TANK: variants seen among roughly 807,000 people sequenced by gnomAD.
The protein encoded by TANK is TRAF family member-associated NF-kappa-B activator.
TANK carries 15 observed loss-of-function variants against 43.6 expected under a neutral mutation model. That is an observed-to-expected ratio of 0.34 (90% CI 0.23 to 0.53). The LOEUF (loss-of-function observed/expected upper bound fraction) is 0.53, where lower values mean the gene tolerates loss of function less well. Among genes scored for constraint, TANK ranks in the 20% least tolerant of loss-of-function variants. The pLI is 0.94. For synonymous variants in TANK, 162 were observed against 178.2 expected (o/e 0.91, Z 0.73); for missense variants, 417 against 498.6 (o/e 0.84, Z 1.56).
At chr2:161,159,237 C>T (rs893720411), upstream of TANK, 1 of 152,202 alleles carries the variant, frequency 6.6e-6, no homozygotes, top group Non-Finnish European at 1.5e-5. Context: ...ACAAAAAAAC[C>T]TGCACACAGA....
intron 4 of TANK, among the ~76,000 whole-genome samples, chr2:161,213,867 G>A (rs977317457): frequency 1.3e-5 from 2 of 152,116 alleles, no homozygotes; most frequent in African/African-American, 4.8e-5. Flanking sequence ...GAATCTGAAA[G>A]CGTATCAATG....
chr2:161,191,210 G>C (rs1685900599), intron 2 of TANK, among the ~76,000 whole-genome samples: 1 of 152,120 alleles, frequency 6.6e-6, no homozygotes, highest in Non-Finnish European at 1.5e-5. Context: ...AAATTGATAA[G>C]GGAGGTAAAG....
intron 2 of TANK, chr2:161,200,665 G>A (rs1227922310): frequency 1.9e-6 from 1 of 536,378 alleles, no homozygotes; most frequent in East Asian, 1.5e-4. Context: ...CTCAAACTTA[G>A]TTTCCCTTTG....
intron 4 of TANK, chr2:161,207,894 T>G: frequency 1.0e-6 from 1 of 984,004 alleles, no homozygotes; most frequent in Non-Finnish European, 1.2e-6. Context: ...TGATTCTTTT[T>G]TATTCTATTT....
chr2:161,196,206 G>C (rs138348120), intron 2 of TANK, among the ~76,000 whole-genome samples: 7 of 152,300 alleles, frequency 4.6e-5, no homozygotes, highest in Non-Finnish European at 1.0e-4. Flanking sequence ...CTGAGAAAAG[G>C]AATACTAGCA....
At chr2:161,205,569 A>T (rs1686613825) in intron 4 of TANK, among the ~76,000 whole-genome samples, 1 of 152,194 alleles carries the variant, frequency 6.6e-6, no homozygotes, top group Admixed American at 6.5e-5. Flanking sequence ...AATAGTACAT[A>T]TCTGCAAGGA....
intron 1 of TANK, among the ~76,000 whole-genome samples, chr2:161,177,151 C>T (rs555337183): frequency 1.2e-4 from 19 of 152,170 alleles, no homozygotes; most frequent in South Asian, 1.0e-3. Flanking sequence ...CATTAATTAT[C>T]GTAACAGGAT....
intron 2 of TANK, among the ~76,000 whole-genome samples, chr2:161,180,575 CAT>C (rs1324891192): frequency 6.6e-6 from 1 of 152,142 alleles, no homozygotes; most frequent in East Asian, 1.9e-4. Context: ...ATTTTATTAA[CAT>C]ATACTTTTGT....
upstream of TANK, chr2:161,156,375 T>G: frequency 1.0e-6 from 1 of 985,226 alleles, no homozygotes; most frequent in East Asian, 1.1e-4. Flanking sequence ...TGGTTTTATT[T>G]CACCTTGTCT....
Position 161,224,754 on chromosome 2 carries a change from T to G in TANK, c.520+8T>G. The G allele has an allele frequency of 2.8e-6, 4 of 1,424,714 alleles. No individual in the cohort carries two copies. Among genetic ancestry groups the G allele is most frequent in the Non-Finnish European group, 3.8e-6 (4 of 1,045,872 alleles). The allele number at this position is 1,424,714 out of a possible 1,614,324, so 88.3% of individuals were successfully genotyped here. Reference sequence around the variant, plus strand: ...TACCAGACACTGCAACTGGTAAGATTTAATTTAATTTACAGTAATATTGAT... The same window carrying G: ...TACCAGACACTGCAACTGGTAAGATGTAATTTAATTTACAGTAATATTGAT... On this transcript the variant is annotated splice_region_variant and intron_variant, in intron 6 of 7. Transcript: ENST00000392749.
rs1688161979 is a variant in TANK at position 161,236,149 on chromosome 2, A to C, written c.*631A>C. 1 of 151,728 alleles carries C rather than the reference A, an allele frequency of 6.6e-6. No homozygotes were observed. Among genetic ancestry groups the C allele is most frequent in the South Asian group, 2.1e-4 (1 of 4,826 alleles). 9.4% of individuals were successfully genotyped at this position (151,728 alleles called of 1,614,324 possible). ...TTACTGTGTGTATAGCTACATGATG[A>C]AATTAATTAAATATTAAGAGGTACT... is the stretch of plus-strand genomic sequence containing the variant. On this transcript the variant is annotated 3_prime_UTR_variant, in exon 8 of 8. Coordinates refer to ENST00000392749, the MANE Select transcript of TANK (RefSeq NM_001199135.3).
chr2:161,201,516 T>A (rs1389542532), intron 2 of TANK, among the ~76,000 whole-genome samples: 1 of 152,172 alleles, frequency 6.6e-6, no homozygotes, highest in Non-Finnish European at 1.5e-5. Context: ...GGTTACTTAA[T>A]CTCTGGACAG....
At chr2:161,146,703 C>T (rs1438468251) in intron 1 of TANK, among the ~76,000 whole-genome samples, 1 of 152,194 alleles carries the variant, frequency 6.6e-6, no homozygotes, top group Non-Finnish European at 1.5e-5. Context: ...GCTCCTTCCT[C>T]TGGGATCTCT....
chr2:161,207,967 A>G, intron 4 of TANK: 1 of 895,160 alleles, frequency 1.1e-6, no homozygotes, highest in Non-Finnish European at 1.3e-6. Context: ...TTCCCAATCA[A>G]TTGGCCTAGC....
chr2:161,197,934 T>G (rs1284672305), intron 2 of TANK, among the ~76,000 whole-genome samples: 1 of 152,132 alleles, frequency 6.6e-6, no homozygotes, highest in African/African-American at 2.4e-5. Flanking sequence ...ATACAAAATA[T>G]ATGAGATAAA....
At chr2:161,137,226 T>C (rs1683612388) in intron 1 of TANK, 3 of 985,378 alleles carry the variant, frequency 3.0e-6, no homozygotes, top group Non-Finnish European at 3.6e-6. Flanking sequence ...AGTTAGAAAT[T>C]TGGCCTTTAA....
intron 6 of TANK, among the ~76,000 whole-genome samples, chr2:161,228,687 C>CGAA (rs1398523533): frequency 1.3e-5 from 2 of 152,204 alleles, no homozygotes; most frequent in Non-Finnish European, 2.9e-5. Context: ...TAGGCCTTCA[C>CGAA]ATTCACTCAC....
chr2:161,202,504 T>C (rs896351425), intron 2 of TANK, among the ~76,000 whole-genome samples: 5 of 152,176 alleles, frequency 3.3e-5, no homozygotes. Context: ...AGCTATGTAA[T>C]TTATTAAAAT....
intron 4 of TANK, among the ~76,000 whole-genome samples, chr2:161,206,803 A>G (rs1574036809): frequency 6.6e-6 from 1 of 152,242 alleles, no homozygotes; most frequent in East Asian, 1.9e-4. Flanking sequence ...ATACTGACAT[A>G]AATTTAGTGC....
Sources: allele counts gnomAD v4.1 joint callset (sites outside exome capture counted in the v4.1 genomes callset), GRCh38; gene constraint gnomAD v4.1.1; transcripts MANE v1.5; gene names NCBI Gene and HGNC (gene_info 2026-07-23, HGNC 2026-07-21).